The following BCAT1 variants were observed in gnomAD, a reference collection of about 807,000 sequenced individuals.
The protein encoded by BCAT1 is branched chain amino acid transaminase 1.
In BCAT1, 48 loss-of-function variants were observed where a neutral mutation model predicts 52.4. That is an observed-to-expected ratio of 0.92 (90% CI 0.73 to 1.16). The LOEUF is 1.16. Ranked by LOEUF, BCAT1 falls within the 50% of genes most tolerant of loss-of-function variation. The probability of loss-of-function intolerance (pLI) is 0.00; values close to 1 mark genes in which losing one functional copy is unlikely to be tolerated. For synonymous variants in BCAT1, 167 were observed against 161.3 expected, an observed-to-expected ratio of 1.04 and a Z score of -0.27; for missense variants, 451 against 457.1, an observed-to-expected ratio of 0.99 and a Z score of 0.12.
In BCAT1 at chr12:24,811,534, C is replaced by T. The variant is rs1939680665; in HGVS notation, c.*6474G>A. The T allele has an allele frequency of 6.6e-6, 1 of 152,116 alleles. No individual in the cohort carries two copies. The highest frequency in any genetic ancestry group is 2.1e-4 in the South Asian group (1 of 4,820). The allele number at this position is 152,116 out of a possible 1,614,324, so 9.4% of individuals were successfully genotyped here. On this transcript the variant is annotated 3_prime_UTR_variant, in exon 11 of 11. Coordinates refer to ENST00000261192, the MANE Select transcript of BCAT1 (RefSeq NM_005504.7). ...CCAGATGGCTCTGGTGTAACAAAGC[C>T]ATTTTAGATGTTTAATTGTGCTTCT...
At chr12:24,831,234 T>C (rs530175173) in intron 9 of BCAT1, among the ~76,000 whole-genome samples, 1 of 152,348 alleles carries the variant, frequency 6.6e-6, no homozygotes, top group African/African-American at 2.4e-5. Context: ...ACTTACTTTA[T>C]TGTAAGAATA....
intron 1 of BCAT1, among the ~76,000 whole-genome samples, chr12:24,910,745 T>C (rs1943310150): frequency 6.6e-6 from 1 of 152,212 alleles, no homozygotes; most frequent in Non-Finnish European, 1.5e-5. Context: ...TCACCCACTA[T>C]TTGTCAGTTC....
rs987841737 is a variant in BCAT1 at position 24,883,814 on chromosome 12, C to T, written c.280-2403G>A. 2.6e-4 allele frequency among the ~76,000 whole-genome samples: 40 copies of T among 152,092 alleles called. 1 individual carries two copies. The highest frequency in any genetic ancestry group is 1.2e-4 in the Non-Finnish European group (8 of 68,020). ...CATTAGATTCTCATAAAAAGTGCAC[C>T]ACCTAGATTCCTGCAATGCACAGTT... On this transcript the variant is annotated intron_variant, in intron 3 of 10. Coordinates refer to ENST00000261192, the MANE Select transcript of BCAT1 (RefSeq NM_005504.7).
chr12:24,855,658 G>A (rs1029048097), intron 5 of BCAT1, among the ~76,000 whole-genome samples: 1 of 152,154 alleles, frequency 6.6e-6, no homozygotes, highest in Non-Finnish European at 1.5e-5. Flanking sequence ...TGGGATTACA[G>A]GCGTGAACTA....
At chr12:24,911,385 C>A (rs1383886492) in intron 1 of BCAT1, among the ~76,000 whole-genome samples, 1 of 152,196 alleles carries the variant, frequency 6.6e-6, no homozygotes, top group African/African-American at 2.4e-5. Context: ...CAGGGCTACA[C>A]AGGCAACCCC....
At chr12:24,863,095 G>A (rs535351809) in intron 5 of BCAT1, among the ~76,000 whole-genome samples, 1 of 152,276 alleles carries the variant, frequency 6.6e-6, no homozygotes, top group Non-Finnish European at 1.5e-5. Context: ...TAAAAAGGCT[G>A]ATCAACTCTT....
chr12:24,896,685 T>C (rs1942967529), intron 2 of BCAT1, among the ~76,000 whole-genome samples: 2 of 152,218 alleles, frequency 1.3e-5, no homozygotes, highest in East Asian at 3.9e-4. Context: ...GAGAACTGCT[T>C]GAACCTGGGA....
chr12:24,856,274 C>T (rs1204397060), intron 5 of BCAT1, among the ~76,000 whole-genome samples: 1 of 152,168 alleles, frequency 6.6e-6, no homozygotes, highest in African/African-American at 2.4e-5. Context: ...ACCCCACGCT[C>T]AAACCATACT....
intron 4 of BCAT1, among the ~76,000 whole-genome samples, chr12:24,879,172 G>GA (rs1010658610): frequency 6.6e-6 from 1 of 151,868 alleles, no homozygotes; most frequent in African/African-American, 2.4e-5. Context: ...AATCATGAAG[G>GA]AAAAAAATGG....
chr12:24,939,979 G>T (rs80008323), intron 1 of BCAT1, among the ~76,000 whole-genome samples: 2 of 151,972 alleles, frequency 1.3e-5, no homozygotes, highest in African/African-American at 2.4e-5. Flanking sequence ...ATAAACTCAC[G>T]TGTCAAAAAT....
intron 7 of BCAT1, among the ~76,000 whole-genome samples, chr12:24,839,694 T>G (rs1298664210): frequency 6.6e-6 from 1 of 152,190 alleles, no homozygotes; most frequent in Non-Finnish European, 1.5e-5. Context: ...ACCAGCCATC[T>G]CAACCAACAG....
In BCAT1 at chr12:24,832,736, A is replaced by G. The variant is rs1410657525; in HGVS notation, c.1031T>C (p.Leu344Pro). Residue 344 changes from leucine (L) to proline (P), a missense_variant, in exon 9 of 11, where the codon CTG (leucine) becomes CCG (proline). By Grantham distance (98) the Leu-to-Pro change is moderately conservative (BLOSUM62 -3). Transcript: ENST00000261192. ...ACVVCPVSDILYKGETIHIPT... is the reference protein window; with the variant it reads ...ACVVCPVSDIPYKGETIHIPT... ...TACTTGTCGTACCTCGCCTTTGTACAGTATATCAGAAACTGGGCAAACAAC... is the reference window on the plus strand; with the variant it reads ...TACTTGTCGTACCTCGCCTTTGTACGGTATATCAGAAACTGGGCAAACAAC... 2 of 1,610,680 alleles carry G rather than the reference A, an allele frequency of 1.2e-6. No homozygotes were observed. The highest frequency in any genetic ancestry group is 1.7e-6 in the Non-Finnish European group (2 of 1,178,322).
chr12:24,821,624 G>GT (rs1457286202), intron 10 of BCAT1, among the ~76,000 whole-genome samples: 1 of 152,084 alleles, frequency 6.6e-6, no homozygotes, highest in East Asian at 1.9e-4. Context: ...TATTTGTTTG[G>GT]TGTTTCACTT....
chr12:24,883,629 T>G (rs1942569082), intron 3 of BCAT1, among the ~76,000 whole-genome samples: 1 of 152,118 alleles, frequency 6.6e-6, no homozygotes. Context: ...AAAATTAAAC[T>G]ACCATATGCT....
chr12:24,918,369 C>A lies in BCAT1; in HGVS notation c.7-16484G>T, dbSNP rs572162562. Among the ~76,000 whole-genome samples the A allele has an allele frequency of 5.3e-5, 8 of 152,304 alleles. No individual in the cohort carries two copies. The East Asian group carries it at 1.5e-3, about 29-fold the overall frequency. On this transcript the variant is annotated intron_variant, in intron 1 of 10. Transcript: ENST00000261192. ...CTCCCTAGGCTCATAGAGGACCCAA[C>A]AACCACACTGGATGTCCATATCAGA...
chr12:24,944,130 A>G (rs531466253), intron 1 of BCAT1, among the ~76,000 whole-genome samples: 1 of 152,348 alleles, frequency 6.6e-6, no homozygotes, highest in South Asian at 2.1e-4. Flanking sequence ...CAGAGCACTC[A>G]CCGACACTGA....
chr12:24,826,269 G>A (rs564617577), intron 10 of BCAT1, among the ~76,000 whole-genome samples: 2 of 152,270 alleles, frequency 1.3e-5, no homozygotes, highest in East Asian at 3.9e-4. Context: ...CATAGTTTCA[G>A]GTCTAAGATT....
intron 1 of BCAT1, among the ~76,000 whole-genome samples, chr12:24,919,529 G>C (rs1463188967): frequency 1.3e-5 from 2 of 152,108 alleles, no homozygotes; most frequent in Non-Finnish European, 2.9e-5. Context: ...CTCCCCTGTA[G>C]GAGTCAAAAG....
chr12:24,854,026 C>A (rs1941593240), intron 5 of BCAT1, among the ~76,000 whole-genome samples: 2 of 152,170 alleles, frequency 1.3e-5, no homozygotes, highest in Admixed American at 6.5e-5. Context: ...CTATACCTCA[C>A]AAATACATGG....
Sources: gnomAD v4.1 joint callset for allele counts (sites outside exome capture counted in the v4.1 genomes callset) on GRCh38, gnomAD v4.1.1 for gene constraint, MANE v1.5 for transcripts, NCBI Gene and HGNC (gene_info 2026-07-23, HGNC 2026-07-21) for gene names.